The following EML1 variants were observed in gnomAD, a reference collection of about 807,000 sequenced individuals.
The protein encoded by EML1 is EMAP like 1.
A neutral mutation model predicts 110.4 loss-of-function variants in EML1; 27 were observed. The ratio of observed to expected loss-of-function variants is 0.24; its 90% CI spans 0.18 to 0.34. The LOEUF is 0.34. EML1 is among the 10% of genes least tolerant of loss of function. The probability of loss-of-function intolerance (pLI) is 1.00; values close to 1 mark genes in which losing one functional copy is unlikely to be tolerated. For missense variants in EML1, 741 were observed against 1,030.9 expected, an observed-to-expected ratio of 0.72 and a Z score of 3.85; for synonymous variants, 344 against 385.8, an observed-to-expected ratio of 0.89 and a Z score of 1.27.
chr14:99,935,760 CG>C lies in EML1; in HGVS notation c.1910-268del, dbSNP rs2060457855. Among the ~76,000 whole-genome samples the C allele has an allele frequency of 3.2e-5, 4 of 125,786 alleles. No homozygotes were observed. In the East Asian group the frequency reaches 9.6e-4, roughly 30 times the overall value. 82.5% of individuals were successfully genotyped at this position (125,786 alleles called of 152,430 possible). A position where few individuals can be genotyped will look rare whatever the true frequency, so the allele number is the denominator to read the frequency against. On this transcript the variant is annotated intron_variant, in intron 17 of 21. Coordinates refer to ENST00000262233, the MANE Select transcript of EML1 (RefSeq NM_004434.3). The stretch of plus-strand genomic sequence containing the variant: ...ATCGCACCACTGCACTCCGGCCTGG[CG>C]ACAGAGCGAGACTCCGTCTCAAAAA...
chr14:99,871,691 C>T (rs2058030618), intron 3 of EML1, among the ~76,000 whole-genome samples: 2 of 152,168 alleles, frequency 1.3e-5, no homozygotes, highest in African/African-American at 2.4e-5. Flanking sequence ...AACTAGAATT[C>T]GAAATGCAGC....
intron 2 of EML1, among the ~76,000 whole-genome samples, chr14:99,857,618 C>T (rs1282954897): frequency 1.3e-5 from 2 of 152,220 alleles, no homozygotes; most frequent in Non-Finnish European, 2.9e-5. Context: ...TGCTAGTCTA[C>T]ATCATGTCTC....
rs1172599292 is a variant in EML1 at position 99,781,888 on chromosome 14, C to T, written c.-27+7875C>T. Among the ~76,000 whole-genome samples, 1 of 152,218 alleles carries T rather than the reference C, an allele frequency of 6.6e-6. No individual in the cohort carries two copies. The highest frequency in any genetic ancestry group is 1.5e-5 in the Non-Finnish European group (1 of 68,034). ...TTGAGGCTGGAGGTATGCTCCCCCG[C>T]TTTTGACTTCTGGACTCCTCAGTCC... On this transcript the variant is annotated intron_variant, in intron 1 of 22. Transcript: ENST00000327921. The surrounding 1 kb of genome is among the most constrained non-coding windows in gnomAD (Gnocchi z 4.2).
chr14:99,778,043 G>C (rs779048503), intron 1 of EML1, among the ~76,000 whole-genome samples: 2 of 152,128 alleles, frequency 1.3e-5, no homozygotes, highest in African/African-American at 2.4e-5. Context: ...CCTCAGCTTC[G>C]TGAAGTGTTG....
chr14:99,821,211 G>T (rs2058256673), intron 1 of EML1, among the ~76,000 whole-genome samples: 1 of 152,034 alleles, frequency 6.6e-6, no homozygotes, highest in South Asian at 2.1e-4. Flanking sequence ...TTGAGACAGG[G>T]TCTCACTTGG....
intron 2 of EML1, 128 bp from the exon 3 acceptor site, chr14:99,865,386 C>T: frequency 8.4e-7 from 1 of 1,186,058 alleles, no homozygotes. Flanking sequence ...GAGTTGCTCA[C>T]TCGCTCACTG....
intron 1 of EML1, among the ~76,000 whole-genome samples, chr14:99,843,819 G>A (rs140385339): frequency 3.3e-4 from 51 of 152,322 alleles, no homozygotes; most frequent in Admixed American, 3.2e-3. Flanking sequence ...TTGACCCAGC[G>A]TCCTACACAA....
chr14:99,859,408 G>T (rs2058961817), intron 2 of EML1, among the ~76,000 whole-genome samples: 1 of 152,146 alleles, frequency 6.6e-6, no homozygotes, highest in African/African-American at 2.4e-5. Context: ...TCTCAGAGAG[G>T]CCAACTCATT....
intron 2 of EML1, among the ~76,000 whole-genome samples, chr14:99,855,145 T>C (rs1203851562): frequency 1.2e-4 from 19 of 152,196 alleles, no homozygotes. Context: ...TTGAGTCAAA[T>C]GCAGGCTATA....
In EML1 at chr14:99,816,870, C is replaced by T. The variant is rs548997729; in HGVS notation, c.67+23327C>T. Among the ~76,000 whole-genome samples, 29 of 152,318 alleles carry T rather than the reference C, an allele frequency of 1.9e-4. No individual in the cohort carries two copies. In the South Asian group the frequency reaches 4.8e-3, roughly 25 times the overall value. On this transcript the variant is annotated intron_variant, in intron 1 of 21. Coordinates refer to ENST00000262233, the MANE Select transcript of EML1 (RefSeq NM_004434.3). ...TTCTCAAGCTTTTTGGTCTGTCTTGCGTTTAAATGGCTGTTCTCCCAGGCT... is the reference window on the plus strand; with the variant it reads ...TTCTCAAGCTTTTTGGTCTGTCTTGTGTTTAAATGGCTGTTCTCCCAGGCT...
At chr14:99,809,620 C>A in intron 1 of EML1, 2 of 456,066 alleles carry the variant, frequency 4.4e-6, no homozygotes, top group South Asian at 3.1e-5. Context: ...GCCCTTGAGT[C>A]AGGCCTGCAA....
chr14:99,914,167 T>C lies in EML1; in HGVS notation c.1495-12T>C. The C allele has an allele frequency of 6.3e-7, 1 of 1,593,122 alleles. No homozygotes were observed. The highest frequency in any genetic ancestry group is 8.6e-7 in the Non-Finnish European group (1 of 1,164,294). On this transcript the variant is annotated splice_polypyrimidine_tract_variant and intron_variant, in intron 13 of 21. Coordinates refer to ENST00000262233, the MANE Select transcript of EML1 (RefSeq NM_004434.3). ...TGTACATCTTTTCTTTTCATATGAC[T>C]TTTCAATGCAGATTCCAGAACAGTT... is the stretch of plus-strand genomic sequence containing the variant.
chr14:99,837,550 A>G (rs1256703611), intron 1 of EML1, among the ~76,000 whole-genome samples: 1 of 152,230 alleles, frequency 6.6e-6, no homozygotes, highest in Non-Finnish European at 1.5e-5. Context: ...ATGGGAGGTT[A>G]GAACTCAAAC....
At chr14:99,926,521 G>A (rs1274475627) in intron 17 of EML1, among the ~76,000 whole-genome samples, 1 of 152,094 alleles carries the variant, frequency 6.6e-6, no homozygotes, top group Admixed American at 6.5e-5. Flanking sequence ...CTAGCCTCAA[G>A]TGATCTGCCC....
intron 20 of EML1, among the ~76,000 whole-genome samples, chr14:99,938,614 G>A (rs540265387): frequency 4.2e-4 from 64 of 152,080 alleles, no homozygotes; most frequent in African/African-American, 1.5e-3. Context: ...GGTCAGAAGA[G>A]GGTGTCCCCC....
At chr14:99,907,827 C>T in intron 10 of EML1, 94 bp downstream of exon 10, 1 of 1,139,424 alleles carries the variant, frequency 8.8e-7, no homozygotes, top group South Asian at 1.4e-5. Flanking sequence ...GGCTCATTCC[C>T]ACCCCAGCCC....
chr14:99,908,560 G>T (rs564377370), intron 10 of EML1, among the ~76,000 whole-genome samples: 1 of 152,164 alleles, frequency 6.6e-6, no homozygotes, highest in Non-Finnish European at 1.5e-5. Context: ...TTCTTGCTAC[G>T]TTGCTAGGTT....
intron 1 of EML1, among the ~76,000 whole-genome samples, chr14:99,844,250 G>A (rs1350640547): frequency 6.6e-6 from 1 of 152,162 alleles, no homozygotes. Flanking sequence ...GGAGGCCGAG[G>A]CGGGCGGATC....
At chr14:99,894,821 A>G in intron 6 of EML1, 63 bp downstream of exon 6, 1 of 1,508,834 alleles carries the variant, frequency 6.6e-7, no homozygotes, top group Non-Finnish European at 8.9e-7. Context: ...CTTGATGTTA[A>G]CTGTAGAAAT....
Sources: gnomAD v4.1 joint callset for allele counts (sites outside exome capture counted in the v4.1 genomes callset) on GRCh38, gnomAD v4.1.1 for gene constraint, Gnocchi (gnomAD v3.1) non-coding constraint, MANE v1.5 for transcripts, NCBI Gene and HGNC (gene_info 2026-07-23, HGNC 2026-07-21) for gene names.